The following CABIN1 variants were observed in gnomAD, a reference collection of about 807,000 sequenced individuals.
CABIN1 encodes the protein calcineurin binding protein 1.
Under a neutral mutation model 227.7 loss-of-function variants are expected in CABIN1, and 133 were observed. The ratio of observed to expected loss-of-function variants is 0.58; its 90% CI spans 0.51 to 0.67. CABIN1 has a LOEUF of 0.67. Among genes scored for constraint, CABIN1 ranks in the 30% least tolerant of loss-of-function variants. The pLI, the probability that CABIN1 is intolerant of heterozygous loss-of-function variation, is 0.00. For synonymous variants in CABIN1, 1,086 were observed against 1,155.1 expected (o/e 0.94, Z 1.21); for missense variants, 2,408 against 2,852.5 (o/e 0.84, Z 3.55).
At chr22:24,127,836 A>G (rs1476806207) in intron 28 of CABIN1, among the ~76,000 whole-genome samples, 2 of 151,978 alleles carry the variant, frequency 1.3e-5, no homozygotes, top group Admixed American at 1.3e-4. Context: ...ATATATATAT[A>G]TGAGTGATCT....
In CABIN1 at chr22:24,156,109, G is replaced by A. The variant is rs1320248354; in HGVS notation, c.4747-8291G>A. 7.3e-6 allele frequency: 3 copies of A among 409,686 alleles called. No individual in the cohort carries two copies. In the Admixed American group the frequency reaches 1.3e-4, roughly 18 times the overall value. 25.4% of individuals were successfully genotyped at this position (409,686 alleles called of 1,614,324 possible). On this transcript the variant is annotated intron_variant, in intron 29 of 36. Coordinates refer to ENST00000263119, the MANE Select transcript of CABIN1 (RefSeq NM_012295.4). Reference sequence around the variant, plus strand: ...CTTGGCGGGGGCGGGGGCCGGGACTGGGGCCGGGACTGGGGCCGGGGCTGG... The same window carrying A: ...CTTGGCGGGGGCGGGGGCCGGGACTAGGGCCGGGACTGGGGCCGGGGCTGG...
At chr22:24,062,818 AGGGAGCTGTAGGGCTCTGAGGGGCTTAG>A (rs1423870022) in intron 13 of CABIN1, 113 bp from the exon 14 acceptor site, 6 of 813,468 alleles carry the variant, frequency 7.4e-6, no homozygotes, top group Non-Finnish European at 1.1e-5. Flanking sequence ...CCTGCCACTC[AGGGAGCTGTAGGGCTCTGAGGGGCTTAG>A]GGTGCCCCTG....
intron 4 of CABIN1, among the ~76,000 whole-genome samples, chr22:24,039,867 A>C (rs370172274): frequency 6.6e-5 from 10 of 152,252 alleles, no homozygotes; most frequent in African/African-American, 2.4e-4. Flanking sequence ...AATGTTAATT[A>C]CATAATTACA....
intron 29 of CABIN1, among the ~76,000 whole-genome samples, chr22:24,142,906 T>C (rs1379211265): frequency 6.6e-6 from 1 of 151,968 alleles, no homozygotes; most frequent in East Asian, 1.9e-4. Flanking sequence ...CATATCACCT[T>C]CTCCCCTCTC....
chr22:24,075,236 G>C (rs2146841059), intron 18 of CABIN1, among the ~76,000 whole-genome samples: 1 of 152,086 alleles, frequency 6.6e-6, no homozygotes, highest in African/African-American at 2.4e-5. Flanking sequence ...CAAATTTCAT[G>C]AAAGAAAGTT....
chr22:24,119,076 C>G (rs1418312653), intron 27 of CABIN1, among the ~76,000 whole-genome samples: 1 of 152,220 alleles, frequency 6.6e-6, no homozygotes, highest in African/African-American at 2.4e-5. Flanking sequence ...TGCCACCGTT[C>G]AGAGGGGAAG....
intron 28 of CABIN1, among the ~76,000 whole-genome samples, chr22:24,126,734 C>T (rs897528290): frequency 1.3e-5 from 2 of 152,146 alleles, no homozygotes; most frequent in African/African-American, 4.8e-5. Flanking sequence ...CATGGTGGCT[C>T]CCGCCTGTAA....
chr22:24,061,969 C>T lies in CABIN1; in HGVS notation c.1640C>T (p.Ser547Phe). Reference protein sequence around the residue: ...HIKDMMLMSLSCMELQLDQWL... With the variant: ...HIKDMMLMSLFCMELQLDQWL... The stretch of plus-strand genomic sequence containing the variant: ...CAGGACATGATGCTGATGTCTCTCT[C>T]CTGCATGGAACTCCAGCTGGACCAG... Residue 547 changes from serine to phenylalanine, a missense_variant, in exon 13 of 37, where the codon TCC becomes TTC. Transcript: ENST00000263119. 6.2e-7 allele frequency: 1 copy of T among 1,614,030 alleles called. No homozygotes were observed. Among genetic ancestry groups the T allele is most frequent in the Non-Finnish European group, 8.5e-7 (1 of 1,179,948 alleles).
intron 27 of CABIN1, among the ~76,000 whole-genome samples, chr22:24,114,578 C>A (rs554076291): frequency 2.0e-5 from 3 of 152,348 alleles, no homozygotes; most frequent in Admixed American, 6.5e-5. Context: ...GGAATTTGCC[C>A]TGTCAGTGTA....
At chr22:24,062,895 T>C in intron 13 of CABIN1, 64 bp from the exon 14 acceptor site, 1 of 1,551,032 alleles carries the variant, frequency 6.4e-7, no homozygotes, top group Middle Eastern at 1.7e-4. Flanking sequence ...GTGCAACTTC[T>C]GAGAAGCAGA....
intron 8 of CABIN1, among the ~76,000 whole-genome samples, chr22:24,054,116 G>T (rs746847963): frequency 6.6e-6 from 1 of 152,204 alleles, no homozygotes; most frequent in Non-Finnish European, 1.5e-5. Context: ...GTGAGAGGAG[G>T]CTGTGCAGCA....
rs998221235 is a variant in CABIN1, at chr22:24,072,208, G to C, written c.2476-146G>C. 8.0e-6 allele frequency: 6 copies of C among 746,340 alleles called. No individual in the cohort carries two copies. In the East Asian group the frequency reaches 1.3e-4, roughly 17 times the overall value. The allele number at this position is 746,340 out of a possible 1,614,324, so 46.2% of individuals were successfully genotyped here. On this transcript the variant is annotated intron_variant, in intron 17 of 36. Coordinates refer to ENST00000263119, the MANE Select transcript of CABIN1 (RefSeq NM_012295.4). ...CTGTCCGATGACATGCTGAGGATCTGCTAGGTTACAGTGCCCACATCTGAG... is the reference window on the plus strand; with the variant it reads ...CTGTCCGATGACATGCTGAGGATCTCCTAGGTTACAGTGCCCACATCTGAG...
At chr22:24,056,617 C>T in intron 10 of CABIN1, 2 of 516,460 alleles carry the variant, frequency 3.9e-6, no homozygotes, top group South Asian at 2.3e-5. Context: ...GCAACATACT[C>T]ATGTCCCTGT....
At chr22:24,090,088 C>T (rs1435802993) in intron 23 of CABIN1, among the ~76,000 whole-genome samples, 4 of 152,190 alleles carry the variant, frequency 2.6e-5, no homozygotes, top group Admixed American at 2.6e-4. Flanking sequence ...CAGTGACTGT[C>T]CCTCCTTTTC....
At chr22:24,073,901 G>A (rs1280004779) in intron 18 of CABIN1, among the ~76,000 whole-genome samples, 2 of 152,134 alleles carry the variant, frequency 1.3e-5, no homozygotes, top group Non-Finnish European at 2.9e-5. Flanking sequence ...GCTGATGAGA[G>A]GTGCATGCAC....
At chr22:24,162,695 C>T (rs781242050) in intron 29 of CABIN1, among the ~76,000 whole-genome samples, 4 of 152,214 alleles carry the variant, frequency 2.6e-5, no homozygotes, top group Non-Finnish European at 4.4e-5. Context: ...GGTGGCCAAG[C>T]GGGCGGCGGT....
chr22:24,076,338 G>A, intron 19 of CABIN1, 54 bp downstream of exon 19: 1 of 1,459,798 alleles, frequency 6.9e-7, no homozygotes, highest in Non-Finnish European at 9.6e-7. Flanking sequence ...GGCTGGGGTG[G>A]GAGGTGGAAT....
chr22:24,054,652 C>G (rs1487220980), intron 8 of CABIN1, among the ~76,000 whole-genome samples: 1 of 152,174 alleles, frequency 6.6e-6, no homozygotes, highest in Non-Finnish European at 1.5e-5. Flanking sequence ...GATGCCAGGT[C>G]CCTGGTCCAG....
intron 32 of CABIN1, among the ~76,000 whole-genome samples, chr22:24,167,652 C>T (rs1457482413): frequency 6.6e-6 from 1 of 152,220 alleles, no homozygotes; most frequent in African/African-American, 2.4e-5. Flanking sequence ...GACCAGAGAT[C>T]CCCTTGTCAT....
Sources: allele counts gnomAD v4.1 joint callset (sites outside exome capture counted in the v4.1 genomes callset), GRCh38; gene constraint gnomAD v4.1.1; transcripts MANE v1.5; gene names NCBI Gene and HGNC (gene_info 2026-07-23, HGNC 2026-07-21).